The following TRPM8 variants were observed in gnomAD, a reference collection of about 807,000 sequenced individuals.
TRPM8 encodes the protein transient receptor potential cation channel subfamily M member 8.
Under a neutral mutation model 133.7 loss-of-function variants are expected in TRPM8, and 110 were observed. The observed-to-expected ratio is 0.82, with a 90% CI of 0.70 to 0.96. TRPM8 has a LOEUF of 0.96. Among genes scored for constraint, TRPM8 ranks in the 40% least tolerant of loss-of-function variants. TRPM8 has a pLI of 0.00. For synonymous variants in TRPM8, 535 were observed against 532.3 expected, an observed-to-expected ratio of 1.01 and a Z score of -0.07; for missense variants, 1,291 against 1,379.5, an observed-to-expected ratio of 0.94 and a Z score of 1.02.
intron 22 of TRPM8, among the ~76,000 whole-genome samples, chr2:233,998,292 A>G (rs187126822): frequency 1.3e-5 from 2 of 152,230 alleles, no homozygotes; most frequent in Non-Finnish European, 2.9e-5. Context: ...AAGTGTTCTC[A>G]TATATATTAA....
At chr2:233,968,756 A>G (rs1172172169) in intron 15 of TRPM8, among the ~76,000 whole-genome samples, 2 of 151,934 alleles carry the variant, frequency 1.3e-5, no homozygotes, top group African/African-American at 4.8e-5. Flanking sequence ...GGGTCCTTTG[A>G]TGTGGTCGAG....
chr2:233,975,180 A>G (rs374139442), intron 17 of TRPM8, among the ~76,000 whole-genome samples: 118 of 47,318 alleles, frequency 2.5e-3, no homozygotes, highest in African/African-American at 9.9e-3. Flanking sequence ...TCTTATTCAC[A>G]TTTGGTCCTC....
rs140707634 is a variant in TRPM8, at chr2:233,957,094, C to T, written c.1362+1844C>T. The stretch of plus-strand genomic sequence containing the variant: ...CTCCCTATGCCTCAGTTTCCTCCTC[C>T]AGTGGCATGTTAGAGCCAGCTTGTA... On this transcript the variant is annotated intron_variant, in intron 11 of 25. Coordinates refer to ENST00000324695, the MANE Select transcript of TRPM8 (RefSeq NM_024080.5). Among the ~76,000 whole-genome samples, 326 of 152,296 alleles carry T rather than the reference C, an allele frequency of 2.1e-3. 1 individual carries two copies. The highest frequency in any genetic ancestry group is 6.9e-3 in the African/African-American group (286 of 41,552).
chr2:233,969,647 A>G (rs201387999), intron 15 of TRPM8, 48 bp from the exon 16 acceptor site: 6 of 1,135,440 alleles, frequency 5.3e-6, no homozygotes, highest in Non-Finnish European at 5.4e-6. Context: ...CATCCTGCAT[A>G]CAATTGTGTT....
In TRPM8 at chr2:233,927,815, C is replaced by T. The variant is rs1178019815; in HGVS notation, c.117+1161C>T. ...CTTTTCTTTCCTTCCTTCCTTCCTT[C>T]CTTCCTTCCTTCCTTCCTTCCTTCC... On this transcript the variant is annotated intron_variant, in intron 2 of 25. Coordinates refer to ENST00000324695, the MANE Select transcript of TRPM8 (RefSeq NM_024080.5). Among the ~76,000 whole-genome samples, 40 of 69,474 alleles carry T rather than the reference C, an allele frequency of 5.8e-4. 2 individuals are homozygous for T. Among genetic ancestry groups the T allele is most frequent in the East Asian group, 1.7e-3 (4 of 2,376 alleles). 45.6% of individuals were successfully genotyped at this position (69,474 alleles called of 152,430 possible).
intron 5 of TRPM8, among the ~76,000 whole-genome samples, chr2:233,939,555 T>C (rs1308425697): frequency 1.3e-5 from 2 of 152,200 alleles, no homozygotes; most frequent in Non-Finnish European, 2.9e-5. Flanking sequence ...CTTTTGAAAG[T>C]AGTGACAGTG....
intron 21 of TRPM8, among the ~76,000 whole-genome samples, chr2:233,991,173 G>C (rs137871399): frequency 6.6e-5 from 10 of 152,228 alleles, no homozygotes; most frequent in Admixed American, 1.3e-4. Context: ...CTAGGTTATG[G>C]AGAGTCTTTT....
At chr2:234,015,826 C>T (rs1692943698) in intron 25 of TRPM8, among the ~76,000 whole-genome samples, 1 of 152,184 alleles carries the variant, frequency 6.6e-6, no homozygotes, top group African/African-American at 2.4e-5. Context: ...TTAATGAAAA[C>T]ACTATTAAAC....
rs765594459 is a variant in TRPM8, at chr2:233,981,872, T to C, written c.2546T>C (p.Val849Ala). Residue 849 changes from valine (V) to alanine (A), a missense_variant, in exon 19 of 26, where the codon GTA becomes GCA. By Grantham distance (64) the Val-to-Ala change is moderately conservative. Coordinates refer to ENST00000324695, the MANE Select transcript of TRPM8 (RefSeq NM_024080.5). Reference protein sequence around the residue: ...FTLRLIHIFTVSRNLGPKIIM... With the variant: ...FTLRLIHIFTASRNLGPKIIM... ...CTAAGATTGATCCACATTTTTACTGTAAGCAGAAACTTAGGACCCAAGATT... is the reference window on the plus strand; with the variant it reads ...CTAAGATTGATCCACATTTTTACTGCAAGCAGAAACTTAGGACCCAAGATT... The C allele has an allele frequency of 6.2e-7, 1 of 1,613,614 alleles. No individual in the cohort carries two copies. The highest frequency in any genetic ancestry group is 1.7e-5 in the Admixed American group (1 of 59,912).
At chr2:233,954,151 G>A in intron 10 of TRPM8, 132 bp downstream of exon 10, 2 of 559,738 alleles carry the variant, frequency 3.6e-6, no homozygotes, top group South Asian at 6.6e-5. Flanking sequence ...ATCCTAGATT[G>A]GAAGCTAGAA....
In TRPM8 at chr2:233,996,362, G is replaced by C. The variant is rs1475505105; in HGVS notation, c.2976G>C (p.Gln992His). The C allele has an allele frequency of 6.2e-7, 1 of 1,614,162 alleles. No homozygotes were observed. Among genetic ancestry groups the C allele is most frequent in the South Asian group, 1.1e-5 (1 of 91,076 alleles). ...GCACCGTCCAGGAGAACAATGACCA[G>C]GTCTGGAAGTTCCAGAGGTACTTCC... ...TVGTVQENND[Q>H]VWKFQRYFLV... is the part of the protein sequence containing the mutation. Residue 992 changes from glutamine to histidine, a missense_variant, in exon 22 of 26, where the codon CAG becomes CAC. By Grantham distance (24) the Gln-to-His change is conservative. Around this residue, in one of 2 missense-constraint regions of TRPM8, gnomAD observed 328 missense variants for 410.6 expected, o/e 0.80. Coordinates refer to ENST00000324695, the MANE Select transcript of TRPM8 (RefSeq NM_024080.5).
rs1183874045 is a variant in TRPM8, at chr2:233,947,140, A to G, written c.927A>G (p.Gly309=). ...TTGTGTGTTTTGCCCAAGGAGGTGGAAAAGAGACTTTGAAAGTGAGTCCTG... is the reference window on the plus strand; with the variant it reads ...TTGTGTGTTTTGCCCAAGGAGGTGGGAAAGAGACTTTGAAAGTGAGTCCTG... The part of the protein sequence containing the change: ...IPIVCFAQGG[G]KETLKAINTS... The change falls in exon 8 of 26, where the codon GGA becomes GGG. Residue 309 remains glycine (G), a synonymous_variant. Transcript: ENST00000324695. 1 of 1,614,054 alleles carries G rather than the reference A, an allele frequency of 6.2e-7. No homozygotes were observed. The highest frequency in any genetic ancestry group is 1.7e-5 in the Admixed American group (1 of 60,022).
intron 17 of TRPM8, among the ~76,000 whole-genome samples, chr2:233,976,772 G>A (rs1455633139): frequency 6.6e-6 from 1 of 152,116 alleles, no homozygotes; most frequent in Non-Finnish European, 1.5e-5. Flanking sequence ...CCATCCGAGG[G>A]CTTTTCTGGC....
In TRPM8 at chr2:234,017,790, C is replaced by T. The variant is rs189869051; in HGVS notation, c.*534C>T. The T allele has an allele frequency of 1.3e-5, 2 of 158,254 alleles. No homozygotes were observed. The highest frequency in any genetic ancestry group is 1.9e-4 in the East Asian group (1 of 5,338). The allele number at this position is 158,254 out of a possible 1,614,324, so 9.8% of individuals were successfully genotyped here. On this transcript the variant is annotated 3_prime_UTR_variant, in exon 26 of 26. Coordinates refer to ENST00000324695, the MANE Select transcript of TRPM8 (RefSeq NM_024080.5). ...CATGCTGCAGCAAGAGGACCCCGCT[C>T]TCTTCAGGAAAAGTGTTTTCATTTC...
intron 1 of TRPM8, among the ~76,000 whole-genome samples, chr2:233,923,820 C>G (rs983440912): frequency 3.9e-5 from 6 of 152,088 alleles, no homozygotes; most frequent in Non-Finnish European, 7.4e-5. Context: ...AACAAACTGT[C>G]CAGAGCTGGA....
chr2:233,948,681 C>T (rs971702291), intron 8 of TRPM8, among the ~76,000 whole-genome samples: 2 of 152,202 alleles, frequency 1.3e-5, no homozygotes, highest in Non-Finnish European at 2.9e-5. Flanking sequence ...GCCGTCTGCT[C>T]AGCCAATTAA....
At chr2:233,987,895 G>A (rs1394246710) in intron 21 of TRPM8, among the ~76,000 whole-genome samples, 5 of 151,884 alleles carry the variant, frequency 3.3e-5, no homozygotes, top group Admixed American at 6.6e-5. Flanking sequence ...CACGTAAGAC[G>A]TGACTTGCTC....
In TRPM8 at chr2:234,019,452, T is replaced by C. The variant is rs186457571; in HGVS notation, c.*2196T>C. 31 of 152,348 alleles carry C rather than the reference T, an allele frequency of 2.0e-4. No individual in the cohort carries two copies. Among genetic ancestry groups the C allele is most frequent in the African/African-American group, 7.0e-4 (29 of 41,584 alleles). 9.4% of individuals were successfully genotyped at this position (152,348 alleles called of 1,614,324 possible). On this transcript the variant is annotated 3_prime_UTR_variant, in exon 26 of 26. Coordinates refer to ENST00000324695, the MANE Select transcript of TRPM8 (RefSeq NM_024080.5). ...GGTACTAAATGTGTCCTGTGTACTT[T>C]TGCACAACTGAGAATCCTGCAGCTT...
intron 11 of TRPM8, among the ~76,000 whole-genome samples, chr2:233,958,198 C>A (rs755715236): frequency 6.6e-6 from 1 of 152,110 alleles, no homozygotes; most frequent in Non-Finnish European, 1.5e-5. Flanking sequence ...TTTTGAGGGC[C>A]TGGTCTGAAC....
Sources: allele counts gnomAD v4.1 joint callset (sites outside exome capture counted in the v4.1 genomes callset), GRCh38; gene constraint gnomAD v4.1.1; regional missense constraint gnomAD v4.1.1; transcripts MANE v1.5; gene names NCBI Gene and HGNC (gene_info 2026-07-23, HGNC 2026-07-21).